The following CSMD3 variants were observed in gnomAD, a reference collection of about 807,000 sequenced individuals.
CSMD3 encodes CUB and sushi domain-containing protein 3.
CSMD3 carries 177 observed loss-of-function variants against 435.2 expected under a neutral mutation model. The ratio of observed to expected loss-of-function variants is 0.41; its 90% CI spans 0.36 to 0.46. The LOEUF is 0.46. Ranked by LOEUF, CSMD3 falls within the 20% of genes least tolerant of loss-of-function variation. The pLI is 0.34. For synonymous variants in CSMD3, 1,656 were observed against 1,520.5 expected, an observed-to-expected ratio of 1.09 and a Z score of -2.07; for missense variants, 4,265 against 4,504.6, an observed-to-expected ratio of 0.95 and a Z score of 1.52.
chr8:112,601,127 T>C (rs1354596802), intron 22 of CSMD3, among the ~76,000 whole-genome samples: 1 of 152,034 alleles, frequency 6.6e-6, no homozygotes, highest in Admixed American at 6.6e-5. Flanking sequence ...ATATACTTCT[T>C]TTATCTAATA....
intron 10 of CSMD3, among the ~76,000 whole-genome samples, chr8:112,873,186 C>CA (rs1363599648): frequency 1.3e-5 from 2 of 151,602 alleles, no homozygotes; most frequent in Admixed American, 1.3e-4. Context: ...GGACATAATC[C>CA]AAAAAAATCA....
chr8:112,981,639 T>A (rs2085057097), intron 6 of CSMD3, among the ~76,000 whole-genome samples: 1 of 151,694 alleles, frequency 6.6e-6, no homozygotes, highest in Non-Finnish European at 1.5e-5. Flanking sequence ...TGTCAGTAAA[T>A]GTAGTGGTAC....
intron 3 of CSMD3, among the ~76,000 whole-genome samples, chr8:113,244,593 T>A (rs2093256171): frequency 1.3e-5 from 2 of 152,232 alleles, no homozygotes; most frequent in East Asian, 1.9e-4. Context: ...GGATTACAGG[T>A]GTGAGCCACC....
At chr8:112,369,245 C>T (rs551049698) in intron 38 of CSMD3, among the ~76,000 whole-genome samples, 10 of 151,866 alleles carry the variant, frequency 6.6e-5, no homozygotes, top group Non-Finnish European at 1.2e-4. Context: ...ACATTTAACG[C>T]AGCTATATAG....
intron 24 of CSMD3, among the ~76,000 whole-genome samples, chr8:112,569,497 A>T (rs1320187601): frequency 6.6e-6 from 1 of 152,204 alleles, no homozygotes; most frequent in East Asian, 1.9e-4. Flanking sequence ...GACCAATAAG[A>T]TAATTGAAAT....
At chr8:112,609,937 C>T (rs1211292874) in intron 22 of CSMD3, among the ~76,000 whole-genome samples, 1 of 152,060 alleles carries the variant, frequency 6.6e-6, no homozygotes, top group Non-Finnish European at 1.5e-5. Context: ...ACAAATGCTC[C>T]ATGATCTCAT....
chr8:112,462,096 A>T (rs939306071), intron 32 of CSMD3, among the ~76,000 whole-genome samples: 6 of 152,188 alleles, frequency 3.9e-5, no homozygotes, highest in Non-Finnish European at 8.8e-5. Context: ...TGCAATCCAG[A>T]CCTTTGGATC....
chr8:112,684,938 T>C (rs2075978528), intron 15 of CSMD3, among the ~76,000 whole-genome samples: 1 of 152,184 alleles, frequency 6.6e-6, no homozygotes, highest in African/African-American at 2.4e-5. Context: ...TCCTTTTCTA[T>C]GATGCTACTG....
intron 31 of CSMD3, among the ~76,000 whole-genome samples, chr8:112,483,104 A>T (rs7833084): frequency 1.1e-3 from 172 of 152,322 alleles, no homozygotes; most frequent in Admixed American, 3.9e-3. Context: ...CTATTGACTA[A>T]ATACATGGAG....
intron 8 of CSMD3, among the ~76,000 whole-genome samples, chr8:112,952,613 A>T (rs1196738058): frequency 1.3e-5 from 2 of 151,556 alleles, no homozygotes; most frequent in African/African-American, 2.4e-5. Flanking sequence ...AACAAATTAT[A>T]GTAAAATGAA....
At chr8:113,217,066 T>C (rs997200170) in intron 3 of CSMD3, among the ~76,000 whole-genome samples, 3 of 151,730 alleles carry the variant, frequency 2.0e-5, no homozygotes, top group African/African-American at 7.3e-5. Context: ...TTTTAGGAAA[T>C]TGGTAGAGAT....
intron 32 of CSMD3, among the ~76,000 whole-genome samples, chr8:112,416,771 A>C (rs1400482210): frequency 6.6e-6 from 1 of 152,180 alleles, no homozygotes; most frequent in Non-Finnish European, 1.5e-5. Context: ...AGAGGGGAAT[A>C]ATTCTCTGAG....
chr8:112,887,986 GGAAATATTTC>G (rs1276980404), intron 10 of CSMD3, among the ~76,000 whole-genome samples: 2 of 151,484 alleles, frequency 1.3e-5, no homozygotes, highest in Non-Finnish European at 3.0e-5. Context: ...AATTGTTTCA[GGAAATATTTC>G]CCCTACGTAC....
At chr8:113,150,769 C>T (rs1351190648) in intron 4 of CSMD3, among the ~76,000 whole-genome samples, 2 of 151,734 alleles carry the variant, frequency 1.3e-5, no homozygotes, top group African/African-American at 4.8e-5. Flanking sequence ...TGTATTAATG[C>T]CAATAATTTA....
At chr8:113,399,090 T>C (rs921044433) in intron 1 of CSMD3, among the ~76,000 whole-genome samples, 1 of 76,530 alleles carries the variant, frequency 1.3e-5, no homozygotes. Context: ...TATATATATA[T>C]ATATATATAT....
At chr8:112,853,691 C>T (rs1237774302) in intron 11 of CSMD3, among the ~76,000 whole-genome samples, 1 of 152,204 alleles carries the variant, frequency 6.6e-6, no homozygotes. Flanking sequence ...GATATCCAAT[C>T]TAACAGGTAT....
intron 1 of CSMD3, among the ~76,000 whole-genome samples, chr8:113,382,021 C>A (rs2094418008): frequency 6.6e-6 from 1 of 152,100 alleles, no homozygotes; most frequent in South Asian, 2.1e-4. Flanking sequence ...GTTTAAATAT[C>A]TCAATATTGC....
intron 3 of CSMD3, among the ~76,000 whole-genome samples, chr8:113,253,605 G>A (rs2093353214): frequency 6.6e-6 from 1 of 151,930 alleles, no homozygotes; most frequent in Admixed American, 6.6e-5. Context: ...ACTTTGGTAG[G>A]CCGAGGCGGG....
chr8:112,442,678 C>A (rs1426617031), intron 32 of CSMD3, among the ~76,000 whole-genome samples: 1 of 152,168 alleles, frequency 6.6e-6, no homozygotes, highest in Non-Finnish European at 1.5e-5. Flanking sequence ...TCTCTGAACT[C>A]AACTCCCTGC....
Sources: allele counts gnomAD v4.1 joint callset (sites outside exome capture counted in the v4.1 genomes callset), GRCh38; gene constraint gnomAD v4.1.1; transcripts MANE v1.5; gene names NCBI Gene and HGNC (gene_info 2026-07-23, HGNC 2026-07-21).